DNAH1: variants seen among roughly 807,000 people sequenced by gnomAD.
The protein encoded by DNAH1 is axonemal beta dynein heavy chain 1.
A neutral mutation model predicts 484.3 loss-of-function variants in DNAH1; 327 were observed. The ratio of observed to expected loss-of-function variants is 0.68; its 90% CI spans 0.62 to 0.74. The LOEUF is 0.74. Among genes scored for constraint, DNAH1 ranks in the 30% least tolerant of loss-of-function variants. The probability of loss-of-function intolerance (pLI) is 0.00; values close to 1 mark genes in which losing one functional copy is unlikely to be tolerated. For synonymous variants in DNAH1, 2,192 were observed against 2,191.9 expected, an observed-to-expected ratio of 1.00 and a Z score of 0.00; for missense variants, 5,052 against 5,546.8, an observed-to-expected ratio of 0.91 and a Z score of 2.83.
rs1200649958 is a variant in DNAH1, at chr3:52,379,045, C to T, written c.7377+265C>T. Among the ~76,000 whole-genome samples, 1 of 152,146 alleles carries T rather than the reference C, an allele frequency of 6.6e-6. No homozygotes were observed. Among genetic ancestry groups the T allele is most frequent in the Non-Finnish European group, 1.5e-5 (1 of 68,038 alleles). On this transcript the variant is annotated intron_variant, in intron 47 of 77. Transcript: ENST00000420323. The surrounding 1 kb of genome is among the most constrained non-coding windows in gnomAD (Gnocchi z 4.4). ...GAGAAAGAGGGCTTCTGGTTTGGGC[C>T]CTGCATGTGAGAACGCTTGAGGGAC... is the stretch of plus-strand genomic sequence containing the variant.
Position 52,375,236 on chromosome 3 carries a change from C to A in DNAH1, c.6986-4C>A. ...CCCTTCCTGACTTCCTGCCCCTACTCCAGGTGCCTTCAAGAACCTAGTGGA... is the reference window on the plus strand; with the variant it reads ...CCCTTCCTGACTTCCTGCCCCTACTACAGGTGCCTTCAAGAACCTAGTGGA... On this transcript the variant is annotated splice_region_variant and splice_polypyrimidine_tract_variant and intron_variant, in intron 44 of 77. Coordinates refer to ENST00000420323, the MANE Select transcript of DNAH1 (RefSeq NM_015512.5). 1 of 1,599,698 alleles carries A rather than the reference C, an allele frequency of 6.3e-7. No homozygotes were observed. Among genetic ancestry groups the A allele is most frequent in the Non-Finnish European group, 8.5e-7 (1 of 1,172,910 alleles).
chr3:52,386,630 G>C, intron 55 of DNAH1, 32 bp from the exon 56 acceptor site: 1 of 1,529,476 alleles, frequency 6.5e-7, no homozygotes, highest in African/African-American at 1.4e-5. Context: ...CACTGGGTCT[G>C]AGTCTTCCCC....
At position 52,370,760 on chromosome 3, in the gene DNAH1, A is replaced by G. The variant is rs146002323; in HGVS notation, c.6460A>G (p.Arg2154Gly). 2.6e-4 allele frequency: 423 copies of G among 1,608,116 alleles called. 4 individuals are homozygous for G. The African/African-American group carries it at 4.9e-3, about 18-fold the overall frequency. ...FPEEGLVFDY[R>G]LEDAGISGTN... ...AGAAGAGGGGCTGGTGTTCGATTAC[A>G]GGCTGGAGGACGCGGGCATCAGTGG... The change falls in exon 41 of 78, where the codon AGG (arginine) becomes GGG (glycine). Residue 2154 changes from arginine to glycine, a missense_variant. Around this residue, in one of 4 missense-constraint regions of DNAH1, gnomAD observed 2,929 missense variants for 3,409.4 expected, o/e 0.86. Transcript: ENST00000420323.
At chr3:52,349,769 TGGAAGG>T (rs1196110332) in intron 14 of DNAH1, among the ~76,000 whole-genome samples, 2 of 152,248 alleles carry the variant, frequency 1.3e-5, no homozygotes, top group Admixed American at 6.5e-5. Flanking sequence ...TGGAGGAGGC[TGGAAGG>T]GTGAGGTGTG....
intron 77 of DNAH1, 95 bp from the exon 78 acceptor site, chr3:52,400,230 C>A: frequency 6.5e-7 from 1 of 1,543,352 alleles, no homozygotes; most frequent in Non-Finnish European, 8.8e-7. Flanking sequence ...CCCTCCCTGT[C>A]CTCAGCTTAG....
rs75461813 is a variant in DNAH1 at position 52,359,003 on chromosome 3, C to G, written c.4267-243C>G. 3.8e-3 allele frequency among the ~76,000 whole-genome samples: 577 copies of G among 152,248 alleles called. 4 individuals are homozygous for G. The highest frequency in any genetic ancestry group is 0.013 in the African/African-American group (525 of 41,526). Reference sequence around the variant, plus strand: ...CTCTCCTGCAGTCTTTCTCTCAGCTCCATGACCATAACCGGCAGCTGGGCT... The same window carrying G: ...CTCTCCTGCAGTCTTTCTCTCAGCTGCATGACCATAACCGGCAGCTGGGCT... On this transcript the variant is annotated intron_variant, in intron 25 of 77. Coordinates refer to ENST00000420323, the MANE Select transcript of DNAH1 (RefSeq NM_015512.5).
chr3:52,372,029 C>T lies in DNAH1; in HGVS notation c.6609C>T (p.Thr2203=). The change falls in exon 42 of 78, where the codon ACC becomes ACT. Residue 2203 remains threonine (T), a synonymous_variant. Coordinates refer to ENST00000420323, the MANE Select transcript of DNAH1 (RefSeq NM_015512.5). Reference sequence around the variant, plus strand: ...ACTACTGCAACATCATTGTGCCCACCATGGACACCGTGCAGATGTCCCATT... The same window carrying T: ...ACTACTGCAACATCATTGTGCCCACTATGGACACCGTGCAGATGTCCCATT... ...DTNYCNIIVP[T]MDTVQMSHLL... is the part of the protein sequence containing the mutation. The T allele has an allele frequency of 6.2e-7, 1 of 1,613,882 alleles. No individual in the cohort carries two copies. Among genetic ancestry groups the T allele is most frequent in the South Asian group, 1.1e-5 (1 of 91,076 alleles).
intron 46 of DNAH1, among the ~76,000 whole-genome samples, chr3:52,377,933 T>A (rs970000063): frequency 1.3e-5 from 2 of 152,162 alleles, no homozygotes; most frequent in South Asian, 2.1e-4. Context: ...AGTGTCAGCT[T>A]GAGGGCAAGG....
In DNAH1 at chr3:52,372,884, C is replaced by T. The variant is rs1703406835; in HGVS notation, c.6828-12C>T. On this transcript the variant is annotated splice_polypyrimidine_tract_variant and intron_variant, in intron 43 of 77. Coordinates refer to ENST00000420323, the MANE Select transcript of DNAH1 (RefSeq NM_015512.5). Reference sequence around the variant, plus strand: ...CCTGTGGGTGCTGGGCTCACACAGCCCCTCCCCTCAGGCGGAAGGGTGTGT... The same window carrying T: ...CCTGTGGGTGCTGGGCTCACACAGCTCCTCCCCTCAGGCGGAAGGGTGTGT... 6.2e-7 allele frequency: 1 copy of T among 1,608,106 alleles called. No homozygotes were observed. The highest frequency in any genetic ancestry group is 1.1e-5 in the South Asian group (1 of 90,754).
chr3:52,317,734 C>A (rs963419110), intron 1 of DNAH1: 86 of 152,286 alleles, frequency 5.6e-4, no homozygotes, highest in African/African-American at 2.1e-3. Context: ...CTGTCCTGGG[C>A]GGAAGTAACC....
rs367793839 is a variant in DNAH1, at chr3:52,348,936, G to T, written c.2155G>T (p.Val719Leu). The T allele has an allele frequency of 6.2e-7, 1 of 1,613,358 alleles. No homozygotes were observed. The highest frequency in any genetic ancestry group is 8.5e-7 in the Non-Finnish European group (1 of 1,179,876). ...CAGCGGTGACCCCCTGCTGGAGTCC[G>T]TGGGCCTTCATGAGCCACTGGTGGA... is the stretch of plus-strand genomic sequence containing the variant. ...FISGDPLLES[V>L]GLHEPLVEEL... Residue 719 changes from valine to leucine, a missense_variant, in exon 13 of 78, where the codon GTG (valine) becomes TTG (leucine). Coordinates refer to ENST00000420323, the MANE Select transcript of DNAH1 (RefSeq NM_015512.5).
chr3:52,392,542 T>C lies in DNAH1; in HGVS notation c.10131T>C (p.Ile3377=), dbSNP rs780876426. 5 of 1,613,938 alleles carry C rather than the reference T, an allele frequency of 3.1e-6. No homozygotes were observed. The highest frequency in any genetic ancestry group is 4.2e-6 in the Non-Finnish European group (5 of 1,179,868). Reference sequence around the variant, plus strand: ...TGGAGGAGGCCAAGAACCAGCTGATTATCAGTAATGCCAAGATGCGCCAGG... The same window carrying C: ...TGGAGGAGGCCAAGAACCAGCTGATCATCAGTAATGCCAAGATGCGCCAGG... The part of the protein sequence containing the change: ...PDLEEAKNQL[I]ISNAKMRQEL... Residue 3377 remains isoleucine (I), a synonymous_variant, in exon 64 of 78, where the codon ATT becomes ATC. Transcript: ENST00000420323.
chr3:52,312,383 C>T (rs1237880783), upstream of DNAH1, among the ~76,000 whole-genome samples: 2 of 151,964 alleles, frequency 1.3e-5, no homozygotes. Context: ...CTGTACACTT[C>T]AGAGTCACTG....
intron 59 of DNAH1, 78 bp downstream of exon 59, chr3:52,389,015 T>A (rs1704247531): frequency 2.7e-6 from 4 of 1,458,902 alleles, no homozygotes; most frequent in Non-Finnish European, 3.6e-6. Flanking sequence ...CTCGCCTCCA[T>A]GATAGGCAGC....
Position 52,391,583 on chromosome 3 carries a change from CA to C in DNAH1, c.10034del (p.Asn3345ThrfsTer9), listed in dbSNP as rs1704389121. 1 of 1,613,872 alleles carries C rather than the reference CA, an allele frequency of 6.2e-7. No homozygotes were observed. The highest frequency in any genetic ancestry group is 8.5e-7 in the Non-Finnish European group (1 of 1,179,858). ...AGATCTCCACCAAACTCACCCTCAT[CA>C]ACTTCACCCTGTCGCCCAGGTGAGC... is the stretch of plus-strand genomic sequence containing the variant. ...PEISTKLTLINFTLSPSGLED... is the reference protein window; with the variant it reads ...PEISTKLTLIXFTLSPSGLED... On this transcript the variant is annotated frameshift_variant, in exon 63 of 78. Coordinates refer to ENST00000420323, the MANE Select transcript of DNAH1 (RefSeq NM_015512.5). LOFTEE classifies it high-confidence loss of function.
rs769644456 is a variant in DNAH1 at position 52,355,074 on chromosome 3, C to G, written c.3693+19C>G. 14 of 1,610,466 alleles carry G rather than the reference C, an allele frequency of 8.7e-6. No individual in the cohort carries two copies. Among genetic ancestry groups the G allele is most frequent in the African/African-American group, 1.3e-5 (1 of 74,884 alleles). ...GACCCAGGTCGGCCCTCCCCCCAGT[C>G]CTTCCCTCATCGCTCCCCCACTTCA... On this transcript the variant is annotated intron_variant, in intron 21 of 77. Transcript: ENST00000420323. The surrounding 1 kb of genome is among the most constrained non-coding windows in gnomAD (Gnocchi z 4.5).
intron 46 of DNAH1, among the ~76,000 whole-genome samples, chr3:52,378,309 T>C (rs1211111784): frequency 2.0e-5 from 3 of 151,526 alleles, no homozygotes; most frequent in Admixed American, 2.0e-4. Flanking sequence ...AAGGCAGTAA[T>C]GGCCCCGCCC....
intron 20 of DNAH1, among the ~76,000 whole-genome samples, chr3:52,354,058 G>A (rs190215187): frequency 5.7e-4 from 86 of 152,208 alleles, no homozygotes; most frequent in African/African-American, 1.8e-3. Flanking sequence ...GCCAGGCATG[G>A]TGGCACATGC....
intron 56 of DNAH1, 51 bp from the exon 57 acceptor site, chr3:52,388,116 C>G: frequency 6.4e-7 from 1 of 1,573,210 alleles, no homozygotes; most frequent in Non-Finnish European, 8.6e-7. Flanking sequence ...AGAGCCCTTC[C>G]CCTGTCACCC....
Sources: allele counts gnomAD v4.1 joint callset (sites outside exome capture counted in the v4.1 genomes callset), GRCh38; gene constraint gnomAD v4.1.1; regional missense constraint gnomAD v4.1.1; non-coding constraint Gnocchi (gnomAD v3.1); transcripts MANE v1.5; gene names NCBI Gene and HGNC (gene_info 2026-07-23, HGNC 2026-07-21).